Variants in ACO2 observed in about 807,000 individuals in gnomAD.
ACO2 encodes the protein aconitase 2.
Under a neutral mutation model 84.5 loss-of-function variants are expected in ACO2, and 31 were observed. The observed-to-expected ratio is 0.37, with a 90% confidence interval of 0.28 to 0.50. The LOEUF (loss-of-function observed/expected upper bound fraction) is 0.50, where lower values mean the gene tolerates loss of function less well. Ranked by LOEUF, ACO2 falls within the 20% of genes least tolerant of loss-of-function variation. The pLI is 0.97. For synonymous variants in ACO2, 414 were observed against 412.7 expected, an observed-to-expected ratio of 1.00 and a Z score of -0.04; for missense variants, 685 against 1,029.3, an observed-to-expected ratio of 0.67 and a Z score of 4.58.
chr22:41,518,290 G>A (rs913859390), intron 7 of ACO2, among the ~76,000 whole-genome samples, 191 bp from the exon 8 acceptor site: 2 of 152,204 alleles, frequency 1.3e-5, no homozygotes, highest in Admixed American at 6.5e-5. Context: ...CTGTGTCTCC[G>A]TGTCCCTGAC....
At chr22:41,502,772 G>A (rs1421560231) in intron 2 of ACO2, among the ~76,000 whole-genome samples, 2 of 151,948 alleles carry the variant, frequency 1.3e-5, no homozygotes, top group East Asian at 3.9e-4. Flanking sequence ...CCATGCCCAG[G>A]TAATTTTTGT....
chr22:41,518,695 A>G, intron 8 of ACO2, 123 bp downstream of exon 8: 1 of 725,288 alleles, frequency 1.4e-6, no homozygotes. Context: ...GCACTTTGGG[A>G]GGCCAAGGCA....
intron 9 of ACO2, 74 bp downstream of exon 9, chr22:41,520,350 CTATGCCTA>C: frequency 8.4e-7 from 1 of 1,188,688 alleles, no homozygotes; most frequent in Non-Finnish European, 1.2e-6. Flanking sequence ...AGACAATCAC[CTATGCCTA>C]CTGTGTGGCA....
At chr22:41,503,130 T>C (rs933263773) in intron 2 of ACO2, among the ~76,000 whole-genome samples, 1 of 152,240 alleles carries the variant, frequency 6.6e-6, no homozygotes, top group Non-Finnish European at 1.5e-5. Context: ...AACAACAAAA[T>C]ACCCTTTAAG....
intron 3 of ACO2, among the ~76,000 whole-genome samples, chr22:41,511,016 T>C (rs1212460011): frequency 6.6e-6 from 1 of 152,168 alleles, no homozygotes; most frequent in Non-Finnish European, 1.5e-5. Context: ...GGGTTTTTGT[T>C]TTGTTTTGAG....
intron 1 of ACO2, among the ~76,000 whole-genome samples, chr22:41,488,046 C>T (rs1036207781): frequency 1.3e-5 from 2 of 152,118 alleles, no homozygotes; most frequent in African/African-American, 4.8e-5. Context: ...TAAAATCTTG[C>T]CTACTTTTGC....
At chr22:41,487,470 T>A (rs2066236459) in intron 1 of ACO2, among the ~76,000 whole-genome samples, 1 of 152,210 alleles carries the variant, frequency 6.6e-6, no homozygotes, top group Non-Finnish European at 1.5e-5. Context: ...ACACATAGTC[T>A]GGGACTGGAG....
In ACO2 at chr22:41,527,977, G is replaced by A. The variant is rs1179857780; in HGVS notation, c.2163G>A (p.Val721=). ...CTGACTACAACAAGATTCACCCTGTGGACAAGCTGACCATTCAGGGCCTGA... is the reference window on the plus strand; with the variant it reads ...CTGACTACAACAAGATTCACCCTGTAGACAAGCTGACCATTCAGGGCCTGA... ...DPADYNKIHP[V]DKLTIQGLKD... Residue 721 remains valine, a synonymous_variant, in exon 17 of 18, where the codon GTG becomes GTA. Transcript: ENST00000216254. 1.9e-6 allele frequency: 3 copies of A among 1,614,048 alleles called. No homozygotes were observed. In the Admixed American group the frequency reaches 5.0e-5, roughly 27 times the overall value.
At chr22:41,477,540 G>A (rs1355134339) in intron 1 of ACO2, among the ~76,000 whole-genome samples, 1 of 152,096 alleles carries the variant, frequency 6.6e-6, no homozygotes, top group African/African-American at 2.4e-5. Context: ...ACCTTGCTGC[G>A]TGACCCTGGG....
intron 1 of ACO2, among the ~76,000 whole-genome samples, chr22:41,497,940 TC>T (rs1221856086): frequency 6.6e-6 from 1 of 151,452 alleles, no homozygotes; most frequent in Non-Finnish European, 1.5e-5. Flanking sequence ...GTTCAAGAGA[TC>T]GAGAACATCC....
At chr22:41,524,446 G>A (rs990062013) in intron 12 of ACO2, among the ~76,000 whole-genome samples, 3 of 152,196 alleles carry the variant, frequency 2.0e-5, no homozygotes, top group Non-Finnish European at 4.4e-5. Flanking sequence ...GTTTATCTGC[G>A]TGTTCTACAA....
chr22:41,471,482 C>G lies in ACO2; in HGVS notation c.36+2300C>G, dbSNP rs866579866. ...ATAGTCATGTATGCAAAACCCTATG[C>G]CTGTAGTCAATTCATTCCTACCTCA... On this transcript the variant is annotated intron_variant, in intron 1 of 17. Transcript: ENST00000216254. 7.2e-5 allele frequency among the ~76,000 whole-genome samples: 11 copies of G among 152,146 alleles called. 1 individual carries two copies. The highest frequency in any genetic ancestry group is 4.1e-4 in the South Asian group (2 of 4,832).
intron 1 of ACO2, among the ~76,000 whole-genome samples, chr22:41,475,485 CT>C (rs1383485195): frequency 6.6e-6 from 1 of 152,096 alleles, no homozygotes; most frequent in Non-Finnish European, 1.5e-5. Flanking sequence ...TTGGCTCCAG[CT>C]TTCTTTGACT....
rs73178612 is a variant in ACO2, at chr22:41,489,835, A to G, written c.37-9891A>G. Among the ~76,000 whole-genome samples the G allele has an allele frequency of 4.6e-3, 694 of 152,026 alleles. 7 individuals are homozygous for G. Among genetic ancestry groups the G allele is most frequent in the Non-Finnish European group, 8.8e-3 (595 of 67,990 alleles). On this transcript the variant is annotated intron_variant, in intron 1 of 17. Transcript: ENST00000216254. The stretch of plus-strand genomic sequence containing the variant: ...TTTTTTCCTTTTCCTTCATAGTGAT[A>G]ACTTCCTGTAAGTAAACTTGCTGAA...
At chr22:41,523,071 G>A in intron 10 of ACO2, 84 bp downstream of exon 10, 3 of 1,577,682 alleles carry the variant, frequency 1.9e-6, no homozygotes, top group Non-Finnish European at 2.6e-6. Context: ...AGGCCTGTTG[G>A]GCCGGGGCTG....
At chr22:41,484,528 G>C (rs1214514515) in intron 1 of ACO2, among the ~76,000 whole-genome samples, 1 of 152,090 alleles carries the variant, frequency 6.6e-6, no homozygotes, top group African/African-American at 2.4e-5. Context: ...TTTTATAACG[G>C]AGGAAAAATT....
intron 9 of ACO2, chr22:41,521,610 A>G (rs2066527086): frequency 6.6e-6 from 1 of 152,254 alleles, no homozygotes; most frequent in African/African-American, 2.4e-5. Context: ...AGAGATTTCT[A>G]TACCGTCTGG....
chr22:41,480,187 G>A (rs758088918), intron 1 of ACO2, among the ~76,000 whole-genome samples: 1 of 152,226 alleles, frequency 6.6e-6, no homozygotes, highest in Non-Finnish European at 1.5e-5. Flanking sequence ...GGAGGGTGTG[G>A]ACTGATGTGC....
At position 41,527,283 on chromosome 22, in the gene ACO2, G is replaced by C; in HGVS notation, c.1954-5G>C. 1 of 1,614,188 alleles carries C rather than the reference G, an allele frequency of 6.2e-7. No individual in the cohort carries two copies. Among genetic ancestry groups the C allele is most frequent in the Non-Finnish European group, 8.5e-7 (1 of 1,180,024 alleles). On this transcript the variant is annotated splice_polypyrimidine_tract_variant and splice_region_variant and intron_variant, in intron 15 of 17. Coordinates refer to ENST00000216254, the MANE Select transcript of ACO2 (RefSeq NM_001098.3). ...CTTATAACCTTACCCCCGCTTGCCT[G>C]ACAGAAACATGGCATCAGGTGGGTG...
Sources: gnomAD v4.1 joint callset for allele counts (sites outside exome capture counted in the v4.1 genomes callset) on GRCh38, gnomAD v4.1.1 for gene constraint, MANE v1.5 for transcripts, NCBI Gene and HGNC (gene_info 2026-07-23, HGNC 2026-07-21) for gene names.